PLCG2: variants seen among roughly 807,000 people sequenced by gnomAD.
PLCG2 encodes phospholipase C gamma 2.
PLCG2 carries 69 observed loss-of-function variants against 175.6 expected under a neutral mutation model. That is an observed-to-expected ratio of 0.39 (90% CI 0.32 to 0.48). The LOEUF is 0.48. PLCG2 is among the 20% of genes least tolerant of loss of function. The probability of loss-of-function intolerance (pLI) is 0.91; values close to 1 mark genes in which losing one functional copy is unlikely to be tolerated. For synonymous variants in PLCG2, 827 were observed against 624.0 expected, an observed-to-expected ratio of 1.33 and a Z score of -4.85; for missense variants, 1,798 against 1,650.9, an observed-to-expected ratio of 1.09 and a Z score of -1.54.
intron 1 of PLCG2, among the ~76,000 whole-genome samples, chr16:81,750,692 G>C (rs1434791531): frequency 3.2e-4 from 2 of 6,342 alleles, no homozygotes; most frequent in African/African-American, 4.4e-4. Context: ...TTTTGAGATA[G>C]AGTCTCCCTC....
chr16:81,857,944 T>A (rs1906766495), intron 3 of PLCG2: 1 of 317,534 alleles, frequency 3.1e-6, no homozygotes, highest in Admixed American at 4.1e-5. Context: ...ATGTAGTTAG[T>A]GCTCAAATGA....
At chr16:81,805,371 T>C (rs944124842) in intron 2 of PLCG2, among the ~76,000 whole-genome samples, 3 of 150,714 alleles carry the variant, frequency 2.0e-5, no homozygotes, top group South Asian at 2.1e-4. Context: ...TGGTGTCGGG[T>C]GCCTATAGTC....
intron 22 of PLCG2, among the ~76,000 whole-genome samples, chr16:81,925,121 A>ACAGG (rs1910209342): frequency 6.6e-6 from 1 of 152,168 alleles, no homozygotes; most frequent in Admixed American, 6.5e-5. Context: ...TATGCCTCTG[A>ACAGG]CAGGCAGTTC....
chr16:81,750,521 G>T (rs188873886), intron 1 of PLCG2, among the ~76,000 whole-genome samples: 1 of 151,984 alleles, frequency 6.6e-6, no homozygotes, highest in Admixed American at 6.6e-5. Context: ...TGCACTGTCA[G>T]GTTCATTGCA....
At chr16:81,755,011 AG>A (rs1909892537) in intron 1 of PLCG2, among the ~76,000 whole-genome samples, 1 of 151,934 alleles carries the variant, frequency 6.6e-6, no homozygotes, top group Non-Finnish European at 1.5e-5. Context: ...ACCCTCTCTG[AG>A]CCCCCATTGC....
intron 5 of PLCG2, among the ~76,000 whole-genome samples, chr16:81,860,321 T>C (rs554460161): frequency 6.6e-6 from 1 of 152,144 alleles, no homozygotes; most frequent in Non-Finnish European, 1.5e-5. Flanking sequence ...CCCAATCCTT[T>C]ATCATTACTG....
chr16:81,905,152 G>A (rs995650687), intron 14 of PLCG2, among the ~76,000 whole-genome samples: 6 of 152,262 alleles, frequency 3.9e-5, no homozygotes, highest in Non-Finnish European at 7.3e-5. Context: ...CTCCCAAAGT[G>A]CTGGGCTTAT....
chr16:81,926,754 C>T (rs1200685587), intron 22 of PLCG2, among the ~76,000 whole-genome samples: 1 of 152,190 alleles, frequency 6.6e-6, no homozygotes, highest in Non-Finnish European at 1.5e-5. Context: ...AAATTCACAA[C>T]CTCCCCGAAA....
chr16:81,936,243 G>A lies in PLCG2; in HGVS notation c.2917G>A (p.Asp973Asn), dbSNP rs568724894. ...CAGCATCATCAGACAGAAGCCCGTC[G>A]ACCTCCTGAAGTACAATCAAAAGGG... ...ADSIIRQKPV[D>N]LLKYNQKGLT... The change falls in exon 27 of 33, where the codon GAC (aspartate) becomes AAC (asparagine). Residue 973 changes from aspartate to asparagine, a missense_variant. Asp to Asn is a conservative substitution (Grantham distance 23, BLOSUM62 1). Transcript: ENST00000564138. 17 of 1,613,960 alleles carry A rather than the reference G, an allele frequency of 1.1e-5. No individual in the cohort carries two copies. The highest frequency in any genetic ancestry group is 1.4e-5 in the Non-Finnish European group (16 of 1,180,020).
intron 25 of PLCG2, 109 bp from the exon 26 acceptor site, chr16:81,934,320 T>A (rs1406894487): frequency 2.8e-5 from 19 of 677,526 alleles, no homozygotes; most frequent in Non-Finnish European, 4.8e-5. Context: ...ATATTAAAGA[T>A]CCGAGTGTGC....
rs182629302 is a variant in PLCG2, at chr16:81,749,573, C to G, written c.-144-6297C>G. Among the ~76,000 whole-genome samples, 380 of 152,268 alleles carry G rather than the reference C, an allele frequency of 2.5e-3. 3 individuals carry two copies. Among genetic ancestry groups the G allele is most frequent in the African/African-American group, 8.6e-3 (357 of 41,532 alleles). On this transcript the variant is annotated intron_variant, in intron 1 of 5. Coordinates refer to the PLCG2 transcript ENST00000565054. ...TTTACCATGTTGGCCAGGCTTGTCTCAAACTCCTGACCTCAAGTGATCCAT... is the reference window on the plus strand; with the variant it reads ...TTTACCATGTTGGCCAGGCTTGTCTGAAACTCCTGACCTCAAGTGATCCAT...
chr16:81,934,935 C>T (rs938543346), intron 26 of PLCG2, among the ~76,000 whole-genome samples: 2 of 152,090 alleles, frequency 1.3e-5, no homozygotes, highest in Admixed American at 1.3e-4. Flanking sequence ...GAAACCACCC[C>T]CATGATTCAA....
chr16:81,910,626 A>G lies in PLCG2; in HGVS notation c.1840A>G (p.Ile614Val), dbSNP rs747542285. Reference protein sequence around the residue: ...NLTFSSIYALIQHYRETHLRC... With the variant: ...NLTFSSIYALVQHYRETHLRC... ...CACCTTCAGCAGCATCTATGCCCTC[A>G]TCCAGCACTACCGCGAGACGCACCT... The change falls in exon 18 of 33, where the codon ATC (isoleucine) becomes GTC (valine). Residue 614 changes from isoleucine (I) to valine (V), a missense_variant. By Grantham distance (29) the Ile-to-Val change is conservative (BLOSUM62 3). Transcript: ENST00000564138. 4.3e-6 allele frequency: 7 copies of G among 1,613,964 alleles called. 1 individual carries two copies. Among genetic ancestry groups the G allele is most frequent in the Non-Finnish European group, 5.1e-6 (6 of 1,179,994 alleles).
rs1044392985 is a variant in PLCG2 at position 81,958,039 on chromosome 16, T to C, written c.*41T>C. The C allele has an allele frequency of 7.0e-7, 1 of 1,430,012 alleles. No homozygotes were observed. Among genetic ancestry groups the C allele is most frequent in the East Asian group, 2.3e-5 (1 of 44,036 alleles). 88.6% of individuals were successfully genotyped at this position (1,430,012 alleles called of 1,614,324 possible). A position where few individuals can be genotyped will look rare whatever the true frequency, so the allele number is the denominator to read the frequency against. ...TGTAAGGGTATTGTGTGTGTGCGCA[T>C]GTGTGTTTGCATGTAGGAGAACGTG... On this transcript the variant is annotated 3_prime_UTR_variant, in exon 33 of 33. Coordinates refer to ENST00000564138, the MANE Select transcript of PLCG2 (RefSeq NM_002661.5).
At chr16:81,935,315 A>G (rs1020532685) in intron 26 of PLCG2, among the ~76,000 whole-genome samples, 30 of 152,066 alleles carry the variant, frequency 2.0e-4, no homozygotes, top group Middle Eastern at 3.2e-3. Flanking sequence ...ATATTCCAGA[A>G]TAAGCCTCCC....
rs67160306 is a variant in PLCG2, at chr16:81,787,393, A to ATTTTT, written c.193+1225_193+1229dup. Among the ~76,000 whole-genome samples the ATTTTT allele has an allele frequency of 2.2e-4, 21 of 94,552 alleles. 1 individual carries two copies. The highest frequency in any genetic ancestry group is 4.1e-4 in the African/African-American group (9 of 21,858). 62.0% of individuals were successfully genotyped at this position (94,552 alleles called of 152,430 possible). A position where few individuals can be genotyped will look rare whatever the true frequency, so the allele number is the denominator to read the frequency against. On this transcript the variant is annotated intron_variant, in intron 2 of 32. Coordinates refer to ENST00000564138, the MANE Select transcript of PLCG2 (RefSeq NM_002661.5). ...TGCACCGCCATGCCTGGATAATTTA[A>ATTTTT]TTTTTTTTTTTTTTTTTTGTAGAGA...
At chr16:81,808,688 T>C (rs1292170977) in intron 2 of PLCG2, among the ~76,000 whole-genome samples, 1 of 151,882 alleles carries the variant, frequency 6.6e-6, no homozygotes, top group African/African-American at 2.4e-5. Flanking sequence ...AGAGATGGGG[T>C]TTCACTGTGT....
chr16:81,918,391 A>G (rs1021995472), intron 19 of PLCG2, among the ~76,000 whole-genome samples: 1 of 152,150 alleles, frequency 6.6e-6, no homozygotes, highest in Non-Finnish European at 1.5e-5. Flanking sequence ...GGTGTGAGAT[A>G]ATGGTCTAGT....
intron 8 of PLCG2, 90 bp from the exon 9 acceptor site, chr16:81,883,179 G>T: frequency 9.0e-7 from 1 of 1,109,326 alleles, no homozygotes; most frequent in South Asian, 1.2e-5. Flanking sequence ...GGCGTTCTGG[G>T]TGGCAGGCTG....
Sources: allele counts gnomAD v4.1 joint callset (sites outside exome capture counted in the v4.1 genomes callset), GRCh38; gene constraint gnomAD v4.1.1; transcripts MANE v1.5; gene names NCBI Gene and HGNC (gene_info 2026-07-23, HGNC 2026-07-21).